The following LINGO2 variants were observed in gnomAD, a reference collection of about 807,000 sequenced individuals.
LINGO2 encodes leucine rich repeat and Ig domain containing 2.
In LINGO2, 14 loss-of-function variants were observed where a neutral mutation model predicts 30.6. The observed-to-expected ratio is 0.46, with a 90% CI of 0.30 to 0.72. The LOEUF is 0.72. Ranked by LOEUF, LINGO2 falls within the 30% of genes least tolerant of loss-of-function variation. The pLI is 0.07. For missense variants in LINGO2, 729 were observed against 751.7 expected (o/e 0.97, Z 0.35); for synonymous variants, 317 against 288.5 (o/e 1.10, Z -1.00).
intron 4 of LINGO2, among the ~76,000 whole-genome samples, chr9:28,209,404 G>A (rs1564045520): frequency 1.3e-5 from 2 of 151,656 alleles, no homozygotes; most frequent in African/African-American, 2.4e-5. Flanking sequence ...AATTTCCCTT[G>A]GGAATTTCTT....
chr9:27,958,588 A>T (rs918537666), intron 5 of LINGO2, among the ~76,000 whole-genome samples: 1 of 152,142 alleles, frequency 6.6e-6, no homozygotes, highest in Admixed American at 6.5e-5. Context: ...TTATTATAGT[A>T]TATTTTTATA....
chr9:28,393,331 T>C (rs1821910426), intron 2 of LINGO2, among the ~76,000 whole-genome samples: 1 of 152,224 alleles, frequency 6.6e-6, no homozygotes, highest in Non-Finnish European at 1.5e-5. Flanking sequence ...ATTAAGTCCT[T>C]ACAGTACTCT....
At chr9:28,283,874 T>C (rs1293964435) in intron 4 of LINGO2, among the ~76,000 whole-genome samples, 2 of 152,314 alleles carry the variant, frequency 1.3e-5, no homozygotes, top group African/African-American at 4.8e-5. Context: ...TTACTTTTCC[T>C]TACCTATTTC....
Position 28,643,085 on chromosome 9 carries a change from A to G in LINGO2, c.-365+27115T>C, listed in dbSNP as rs565064550. Among the ~76,000 whole-genome samples the G allele has an allele frequency of 5.9e-5, 9 of 152,242 alleles. 1 individual carries two copies. The highest frequency in any genetic ancestry group is 2.2e-4 in the African/African-American group (9 of 41,570). Reference sequence around the variant, plus strand: ...TATTTCATGTTCATATGTTAGAAGAATCAATATTGATAAAATCTCCATATT... The same window carrying G: ...TATTTCATGTTCATATGTTAGAAGAGTCAATATTGATAAAATCTCCATATT... On this transcript the variant is annotated intron_variant, in intron 1 of 5. Coordinates refer to ENST00000379992, the Ensembl canonical transcript of LINGO2.
chr9:28,193,435 C>T (rs1819892785), intron 4 of LINGO2, among the ~76,000 whole-genome samples: 2 of 151,918 alleles, frequency 1.3e-5, no homozygotes, highest in Admixed American at 6.6e-5. Context: ...AAATTAAGCA[C>T]TAAGTATAAA....
At chr9:29,129,852 A>T in the LINGO2 span, among the ~76,000 whole-genome samples, 36,571 of 152,008 alleles carry the variant, frequency 0.24, 4,545 homozygotes, top group East Asian at 0.41. Context: ...TATGGTTAAT[A>T]CTTATTCTAA....
intron 1 of LINGO2, among the ~76,000 whole-genome samples, chr9:28,486,486 T>G (rs767030196): frequency 1.2e-4 from 18 of 152,162 alleles, no homozygotes; most frequent in Non-Finnish European, 2.2e-4. Flanking sequence ...TCCTGGAAAT[T>G]TTTCCCAGTG....
chr9:28,444,566 G>T (rs569714506), intron 2 of LINGO2, among the ~76,000 whole-genome samples: 1 of 152,228 alleles, frequency 6.6e-6, no homozygotes, highest in Non-Finnish European at 1.5e-5. Flanking sequence ...GGCTCCCCAA[G>T]CCAGGGCTGT....
rs573909639 is a variant in LINGO2, at chr9:28,145,445, A to G, written c.-86-133040T>C. Among the ~76,000 whole-genome samples, 21 of 152,320 alleles carry G rather than the reference A, an allele frequency of 1.4e-4. No individual in the cohort carries two copies. The South Asian group carries it at 1.9e-3, about 14-fold the overall frequency. On this transcript the variant is annotated intron_variant, in intron 4 of 5. Coordinates refer to ENST00000379992, the Ensembl canonical transcript of LINGO2. ...TATATAGTATTTTCTAAGAACATCA[A>G]ATTGTTTCCTCAAGACTACCACATT...
the LINGO2 span, among the ~76,000 whole-genome samples, chr9:29,103,088 C>T: frequency 2.0e-5 from 3 of 152,074 alleles, no homozygotes; most frequent in Admixed American, 6.6e-5. Flanking sequence ...TAGAAAACTA[C>T]ATCACTATAA....
chr9:28,667,901 A>G (rs926377699), intron 1 of LINGO2, among the ~76,000 whole-genome samples: 1 of 152,246 alleles, frequency 6.6e-6, no homozygotes, highest in African/African-American at 2.4e-5. Context: ...CTGCTGACCT[A>G]TTTTACAGCT....
chr9:28,319,097 T>C (rs2134290374), intron 3 of LINGO2, among the ~76,000 whole-genome samples: 1 of 152,214 alleles, frequency 6.6e-6, no homozygotes, highest in Non-Finnish European at 1.5e-5. Flanking sequence ...AATTACAAAG[T>C]ATGAACTGCC....
At chr9:28,331,676 T>C (rs1395285994) in intron 3 of LINGO2, among the ~76,000 whole-genome samples, 1 of 152,064 alleles carries the variant, frequency 6.6e-6, no homozygotes, top group Non-Finnish European at 1.5e-5. Flanking sequence ...TGGCAAATTT[T>C]TGTAATTTTT....
intron 3 of LINGO2, among the ~76,000 whole-genome samples, chr9:28,354,560 A>G (rs1432643817): frequency 6.6e-6 from 1 of 152,202 alleles, no homozygotes; most frequent in African/African-American, 2.4e-5. Context: ...AAATTTCAAA[A>G]TTCATGCTCA....
chr9:29,145,210 TGTCATCA>T, the LINGO2 span, among the ~76,000 whole-genome samples: 23 of 152,306 alleles, frequency 1.5e-4, no homozygotes, highest in East Asian at 4.1e-3. Flanking sequence ...ATTGTGCAAA[TGTCATCA>T]GTCATGCGTT....
At chr9:29,068,448 T>A in the LINGO2 span, among the ~76,000 whole-genome samples, 20 of 151,832 alleles carry the variant, frequency 1.3e-4, no homozygotes, top group Admixed American at 1.1e-3. Flanking sequence ...CCTTCATTTA[T>A]ACTAGTTTTA....
the LINGO2 span, among the ~76,000 whole-genome samples, chr9:28,813,981 AAGAC>A: frequency 6.6e-6 from 1 of 152,166 alleles, no homozygotes; most frequent in Admixed American, 6.5e-5. Context: ...AAAGAAGCAG[AAGAC>A]AGATTTAGAG....
chr9:28,940,179 G>A, the LINGO2 span, among the ~76,000 whole-genome samples: 3 of 152,058 alleles, frequency 2.0e-5, no homozygotes, highest in Non-Finnish European at 4.4e-5. Flanking sequence ...TCACCAAGCC[G>A]ATGTCTTCTC....
At chr9:28,142,931 T>C (rs1012182759) in intron 4 of LINGO2, among the ~76,000 whole-genome samples, 4 of 152,212 alleles carry the variant, frequency 2.6e-5, no homozygotes, top group African/African-American at 9.6e-5. Context: ...ATTCTCATTA[T>C]AAATCAACTT....
Sources: gnomAD v4.1 joint callset for allele counts (sites outside exome capture counted in the v4.1 genomes callset) on GRCh38, gnomAD v4.1.1 for gene constraint, MANE v1.5 for transcripts, NCBI Gene and HGNC (gene_info 2026-07-23, HGNC 2026-07-21) for gene names.